Variants in CES1 observed in about 807,000 individuals in gnomAD.
CES1 encodes the protein carboxylesterase 1, also known as liver carboxylesterase 1.
Under a neutral mutation model 53.0 loss-of-function variants are expected in CES1, and 50 were observed. That is an observed-to-expected ratio of 0.94 (90% CI 0.75 to 1.19). CES1 has a LOEUF of 1.19. Ranked by LOEUF, CES1 falls within the 50% of genes most tolerant of loss-of-function variation. The pLI, the probability that CES1 is intolerant of heterozygous loss-of-function variation, is 0.00. For missense variants in CES1, 534 were observed against 538.0 expected, an observed-to-expected ratio of 0.99 and a Z score of 0.07; for synonymous variants, 202 against 210.1, an observed-to-expected ratio of 0.96 and a Z score of 0.33.
intron 8 of CES1, among the ~76,000 whole-genome samples, chr16:55,813,312 T>C (rs1451557726): frequency 6.6e-6 from 1 of 152,136 alleles, no homozygotes; most frequent in Non-Finnish European, 1.5e-5. Flanking sequence ...AAATTACATG[T>C]CTATATATTT....
chr16:55,821,779 G>C lies in CES1; in HGVS notation c.540-258C>G, dbSNP rs28526834. Among the ~76,000 whole-genome samples, 213 of 152,256 alleles carry C rather than the reference G, an allele frequency of 1.4e-3. 1 individual carries two copies. Among genetic ancestry groups the C allele is most frequent in the African/African-American group, 4.9e-3 (203 of 41,518 alleles). Reference sequence around the variant, plus strand: ...CTAGAGCACATCTGAGAGCAAAACAGGCAAAACCTGTGATGACACTGAATT... The same window carrying C: ...CTAGAGCACATCTGAGAGCAAAACACGCAAAACCTGTGATGACACTGAATT... On this transcript the variant is annotated intron_variant, in intron 4 of 13. Transcript: ENST00000360526.
intron 2 of CES1, chr16:55,827,870 T>C (rs1196138427): frequency 6.6e-6 from 1 of 152,170 alleles, no homozygotes; most frequent in Admixed American, 6.5e-5. Context: ...AAACAATATA[T>C]TACATCATAA....
Position 55,828,891 on chromosome 16 carries a change from G to A in CES1, c.136C>T (p.Gln46Ter). 2 of 1,614,190 alleles carry A rather than the reference G, an allele frequency of 1.2e-6. No homozygotes were observed. Among genetic ancestry groups the A allele is most frequent in the Non-Finnish European group, 8.5e-7 (1 of 1,180,002 alleles). ...ATTCCCAGGAAAATGGCCACAGGCT[G>A]TGCAAATCCTTCTAAGCTGACGAAC... ...GKFVSLEGFA[Q>*]PVAIFLGIPF... Residue 46 changes from glutamine (Q) to a stop codon, truncating the protein, a stop_gained, in exon 2 of 14, where the codon CAG (glutamine) becomes TAG (stop). Transcript: ENST00000360526. LOFTEE classifies it high-confidence loss of function.
At chr16:55,814,141 A>G (rs1209468366) in intron 8 of CES1, among the ~76,000 whole-genome samples, 2 of 152,236 alleles carry the variant, frequency 1.3e-5, no homozygotes, top group African/African-American at 4.8e-5. Context: ...GAGGTACCGA[A>G]CCCTGGTCAC....
chr16:55,825,578 G>A (rs548259421), intron 3 of CES1, among the ~76,000 whole-genome samples: 2 of 152,342 alleles, frequency 1.3e-5, no homozygotes, highest in East Asian at 3.9e-4. Flanking sequence ...TCCAGGCTCC[G>A]CCCCCAACAT....
At chr16:55,831,337 G>C (rs1215262563) in intron 1 of CES1, among the ~76,000 whole-genome samples, 1 of 151,656 alleles carries the variant, frequency 6.6e-6, no homozygotes, top group Non-Finnish European at 1.5e-5. Context: ...GAAACCACTG[G>C]GCTGGTCATG....
In CES1 at chr16:55,824,942, C is replaced by A. The variant is rs1419767733; in HGVS notation, c.405+1209G>T. Among the ~76,000 whole-genome samples, 4 of 152,306 alleles carry A rather than the reference C, an allele frequency of 2.6e-5. No homozygotes were observed. The South Asian group carries it at 8.3e-4, about 32-fold the overall frequency. On this transcript the variant is annotated intron_variant, in intron 3 of 13. Coordinates refer to ENST00000360526, the MANE Select transcript of CES1 (RefSeq NM_001025195.2). ...AGGTTCCCAGAGCCCTTGTTTCTCC[C>A]ACAACTCTAATCCCTGCCTGCCTCC...
intron 7 of CES1, among the ~76,000 whole-genome samples, chr16:55,818,251 G>T (rs1295381388): frequency 6.6e-6 from 1 of 152,208 alleles, no homozygotes; most frequent in African/African-American, 2.4e-5. Flanking sequence ...TCTTCCCTGT[G>T]ATGAGAGACT....
intron 2 of CES1, among the ~76,000 whole-genome samples, chr16:55,828,334 C>T (rs528054313): frequency 5.4e-4 from 83 of 152,340 alleles, no homozygotes; most frequent in African/African-American, 1.8e-3. Flanking sequence ...CACTCCTCTC[C>T]CCGACTATGT....
intron 3 of CES1, among the ~76,000 whole-genome samples, chr16:55,825,660 T>G (rs1199786489): frequency 6.6e-6 from 1 of 152,244 alleles, no homozygotes; most frequent in East Asian, 1.9e-4. Flanking sequence ...ACAAGCTCAA[T>G]GCCCTACTCC....
chr16:55,819,439 T>C lies in CES1; in HGVS notation c.906+96A>G, dbSNP rs568534838. The C allele has an allele frequency of 4.5e-6, 4 of 897,892 alleles. No individual in the cohort carries two copies. The South Asian group carries it at 5.1e-5, about 12-fold the overall frequency. The allele number at this position is 897,892 out of a possible 1,614,324, so 55.6% of individuals were successfully genotyped here. ...ATTCAGATACTGAGAGTTGAGAAAT[T>C]GTCCCAGGAAACTGTCCCTGGGCAA... On this transcript the variant is annotated intron_variant, in intron 7 of 13. Transcript: ENST00000360526.
intron 1 of CES1, 44 bp from the exon 2 acceptor site, chr16:55,829,018 T>G: frequency 6.4e-7 from 1 of 1,560,160 alleles, no homozygotes; most frequent in South Asian, 1.2e-5. Context: ...GGCAAAAGGC[T>G]GGACCCAGAT....
chr16:55,812,995 T>C lies in CES1; in HGVS notation c.994A>G (p.Thr332Ala). 1.2e-6 allele frequency: 2 copies of C among 1,613,950 alleles called. No homozygotes were observed. The highest frequency in any genetic ancestry group is 1.7e-6 in the Non-Finnish European group (2 of 1,179,922). ...CTTTCAGCTTGAAGCTCTTCAGGTG[T>C]TTTCAGCAGCAGCATCCCATCAATC... Reference protein sequence around the residue: ...TVIDGMLLLKTPEELQAERNF... With the variant: ...TVIDGMLLLKAPEELQAERNF... The change falls in exon 9 of 14, where the codon ACA (threonine) becomes GCA (alanine). Residue 332 changes from threonine (T) to alanine (A), a missense_variant. Transcript: ENST00000360526.
chr16:55,819,644 A>G lies in CES1; in HGVS notation c.802-5T>C. 6.2e-7 allele frequency: 1 copy of G among 1,609,818 alleles called. No individual in the cohort carries two copies. Among genetic ancestry groups the G allele is most frequent in the Non-Finnish European group, 8.5e-7 (1 of 1,176,084 alleles). ...CCCAGCAGTGATAGCAATTTGCTGCAAAGATCACAGGCAACAACAGAGTTC... is the reference window on the plus strand; with the variant it reads ...CCCAGCAGTGATAGCAATTTGCTGCGAAGATCACAGGCAACAACAGAGTTC... On this transcript the variant is annotated splice_region_variant and splice_polypyrimidine_tract_variant and intron_variant, in intron 6 of 13. Transcript: ENST00000360526.
intron 1 of CES1, among the ~76,000 whole-genome samples, chr16:55,831,509 C>T (rs1241024478): frequency 6.7e-6 from 1 of 149,368 alleles, no homozygotes; most frequent in Non-Finnish European, 1.5e-5. Context: ...CTACTATGTG[C>T]CAGGCATGCA....
chr16:55,831,889 G>A (rs1372654502), intron 1 of CES1, among the ~76,000 whole-genome samples: 23 of 151,130 alleles, frequency 1.5e-4, no homozygotes, highest in Middle Eastern at 3.4e-3. Context: ...TCTATAAAAT[G>A]GCATGGGGGT....
intron 1 of CES1, among the ~76,000 whole-genome samples, chr16:55,829,615 G>A (rs561345668): frequency 6.6e-6 from 1 of 152,372 alleles, no homozygotes; most frequent in East Asian, 1.9e-4. Flanking sequence ...GCCTGCCTGG[G>A]GAAGGGGGCA....
In CES1 at chr16:55,826,242, C is replaced by T. The variant is rs201285602; in HGVS notation, c.314G>A (p.Arg105Gln). 2.6e-5 allele frequency: 42 copies of T among 1,613,968 alleles called. No homozygotes were observed. In the Middle Eastern group the frequency reaches 1.5e-3, roughly 57 times the overall value. ...AAGCTTGAGAGGAATGTTCTCCTTT[C>T]GGTTTGTAAATAGCTCTGAGAGTAA... ...GQLLSELFTNRKENIPLKLSE... is the reference protein window; with the variant it reads ...GQLLSELFTNQKENIPLKLSE... The change falls in exon 3 of 14, where the codon CGA (arginine) becomes CAA (glutamine). Residue 105 changes from arginine (R) to glutamine (Q), a missense_variant. Around this residue, in one of 5 missense-constraint regions of CES1, gnomAD observed 164 missense variants for 162.4 expected, o/e 1.01. Transcript: ENST00000360526.
At position 55,819,614 on chromosome 16, in the gene CES1, T is replaced by C. The variant is rs1305774546; in HGVS notation, c.827A>G (p.Lys276Arg). 6.2e-7 allele frequency: 1 copy of C among 1,614,022 alleles called. No individual in the cohort carries two copies. The highest frequency in any genetic ancestry group is 1.7e-5 in the Admixed American group (1 of 60,016). The change falls in exon 7 of 14, where the codon AAA becomes AGA. Residue 276 changes from lysine (K) to arginine (R), a missense_variant. Transcript: ENST00000360526. ...AACCATGACAGCAGAGGTGGTGGTT[T>C]TGCACCCAGCAGTGATAGCAATTTG... is the stretch of plus-strand genomic sequence containing the variant. ...AEQIAITAGC[K>R]TTTSAVMVHC...
Sources: gnomAD v4.1 joint callset for allele counts (sites outside exome capture counted in the v4.1 genomes callset) on GRCh38, gnomAD v4.1.1 for gene constraint, gnomAD v4.1.1 regional missense constraint, MANE v1.5 for transcripts, NCBI Gene and HGNC (gene_info 2026-07-23, HGNC 2026-07-21) for gene names.